The following RGS7 variants were observed in gnomAD, a reference collection of about 807,000 sequenced individuals.
RGS7 encodes the protein regulator of G-protein signaling 7.
RGS7 carries 27 observed loss-of-function variants against 81.1 expected under a neutral mutation model. The ratio of observed to expected loss-of-function variants is 0.33; its 90% CI spans 0.25 to 0.46. RGS7 has a LOEUF of 0.46. Among genes scored for constraint, RGS7 ranks in the 20% least tolerant of loss-of-function variants. RGS7 has a pLI of 1.00. For synonymous variants in RGS7, 208 were observed against 207.7 expected (o/e 1.00, Z -0.01); for missense variants, 396 against 607.4 (o/e 0.65, Z 3.66).
chr1:241,081,411 T>C (rs968370804), intron 3 of RGS7, among the ~76,000 whole-genome samples: 1 of 152,244 alleles, frequency 6.6e-6, no homozygotes, highest in African/African-American at 2.4e-5. Flanking sequence ...TGTTTATGCC[T>C]GCACTATGTT....
At chr1:241,115,246 T>G (rs975621384) in intron 2 of RGS7, among the ~76,000 whole-genome samples, 2 of 152,182 alleles carry the variant, frequency 1.3e-5, no homozygotes, top group African/African-American at 4.8e-5. Context: ...ATAAACTCTT[T>G]AAAACTAGAT....
intron 2 of RGS7, among the ~76,000 whole-genome samples, chr1:241,345,714 C>T (rs1339178953): frequency 6.6e-6 from 1 of 152,020 alleles, no homozygotes; most frequent in Non-Finnish European, 1.5e-5. Flanking sequence ...ATCAAAGAAG[C>T]AACAAATCAC....
chr1:240,992,158 A>G (rs1302394677), intron 3 of RGS7, among the ~76,000 whole-genome samples: 1 of 152,166 alleles, frequency 6.6e-6, no homozygotes, highest in Non-Finnish European at 1.5e-5. Context: ...AATTCCGGAA[A>G]TTTCCCAGTT....
At chr1:241,128,346 G>A (rs1400058729) in intron 2 of RGS7, among the ~76,000 whole-genome samples, 1 of 151,366 alleles carries the variant, frequency 6.6e-6, no homozygotes. Flanking sequence ...CACTTTGGGA[G>A]GCCAAGGCAG....
intron 2 of RGS7, among the ~76,000 whole-genome samples, chr1:241,331,193 C>T (rs924278016): frequency 6.6e-6 from 1 of 151,860 alleles, no homozygotes; most frequent in African/African-American, 2.4e-5. Flanking sequence ...TTCCACTCAC[C>T]CATTGTGCTG....
Position 241,183,895 on chromosome 1 carries a change from G to A in RGS7, c.79-85133C>T, listed in dbSNP as rs182638931. The stretch of plus-strand genomic sequence containing the variant: ...ACCTGGCATCTCTTAGGCATTCAAA[G>A]CACATTGGTGGCATTATCGTCAGGA... On this transcript the variant is annotated intron_variant, in intron 2 of 18. Transcript: ENST00000440928. Among the ~76,000 whole-genome samples the A allele has an allele frequency of 3.2e-3, 488 of 152,302 alleles. 2 individuals are homozygous for A. Among genetic ancestry groups the A allele is most frequent in the African/African-American group, 0.011 (472 of 41,566 alleles).
intron 4 of RGS7, among the ~76,000 whole-genome samples, chr1:240,965,213 G>A (rs534697090): frequency 1.3e-5 from 2 of 152,120 alleles, no homozygotes; most frequent in African/African-American, 4.8e-5. Flanking sequence ...GGCCTCTACT[G>A]TCCTCATTAA....
At chr1:241,045,777 G>A (rs2060893955) in intron 3 of RGS7, among the ~76,000 whole-genome samples, 1 of 152,138 alleles carries the variant, frequency 6.6e-6, no homozygotes, top group Admixed American at 6.5e-5. Flanking sequence ...TACCTTGCTT[G>A]AAAAATCTCA....
At chr1:241,204,025 A>T (rs2073707416) in intron 2 of RGS7, among the ~76,000 whole-genome samples, 1 of 152,242 alleles carries the variant, frequency 6.6e-6, no homozygotes, top group South Asian at 2.1e-4. Context: ...CAATCTGAAG[A>T]TATCAACTAA....
At chr1:241,281,960 AGTT>A (rs1391877138) in intron 2 of RGS7, among the ~76,000 whole-genome samples, 1 of 152,178 alleles carries the variant, frequency 6.6e-6, no homozygotes, top group African/African-American at 2.4e-5. Context: ...GTCTATTAGT[AGTT>A]AAGTTTTGTG....
chr1:240,901,500 G>A (rs1035316778), intron 6 of RGS7, among the ~76,000 whole-genome samples: 1 of 152,144 alleles, frequency 6.6e-6, no homozygotes, highest in African/African-American at 2.4e-5. Context: ...ACCACACCAC[G>A]TATTCCAAGG....
Position 241,073,543 on chromosome 1 carries a change from C to T in RGS7, c.175+25123G>A, listed in dbSNP as rs73125571. Among the ~76,000 whole-genome samples the T allele has an allele frequency of 9.7e-3, 1,483 of 152,308 alleles. 20 individuals are homozygous for T. The highest frequency in any genetic ancestry group is 0.034 in the African/African-American group (1,398 of 41,566). ...GTATTCTATACTAGGACCCTTGACA[C>T]TGGATGCCAGGGCAGATAAAACACA... On this transcript the variant is annotated intron_variant, in intron 3 of 18. Coordinates refer to ENST00000440928, the MANE Select transcript of RGS7 (RefSeq NM_001364886.1).
At chr1:240,942,542 T>C (rs1677770120) in intron 4 of RGS7, among the ~76,000 whole-genome samples, 1 of 152,242 alleles carries the variant, frequency 6.6e-6, no homozygotes, top group African/African-American at 2.4e-5. Flanking sequence ...TGTGCATGTA[T>C]TAACATTTTT....
At chr1:240,925,252 A>G (rs1177953533) in intron 6 of RGS7, among the ~76,000 whole-genome samples, 1 of 152,166 alleles carries the variant, frequency 6.6e-6, no homozygotes, top group East Asian at 1.9e-4. Context: ...CCTAGTAGGT[A>G]CTTTTTCAGC....
Position 241,259,667 on chromosome 1 carries a change from A to AAAAAAAAAAAAAAAAAAAAAAAAAAT in RGS7, c.78+96031_78+96032insATTTTTTTTTTTTTTTTTTTTTTTTT. ...CTCCGTCTCAAAAAAAAAAAAAAAA[A>AAAAAAAAAAAAAAAAAAAAAAAAAAT]ATATATATATATATATATAATTAAA... On this transcript the variant is annotated intron_variant, in intron 2 of 18. Transcript: ENST00000440928. 1.6e-4 allele frequency among the ~76,000 whole-genome samples: 8 copies of AAAAAAAAAAAAAAAAAAAAAAAAAAT among 49,138 alleles called. 1 individual carries two copies. Among genetic ancestry groups the AAAAAAAAAAAAAAAAAAAAAAAAAAT allele is most frequent in the Admixed American group, 3.8e-4 (1 of 2,606 alleles). The allele number at this position is 49,138 out of a possible 152,430, so 32.2% of individuals were successfully genotyped here. A position where few individuals can be genotyped will look rare whatever the true frequency, so the allele number is the denominator to read the frequency against.
chr1:240,989,418 G>C (rs529155108), intron 3 of RGS7, among the ~76,000 whole-genome samples: 57 of 151,822 alleles, frequency 3.8e-4, no homozygotes, highest in African/African-American at 1.4e-3. Flanking sequence ...CCTGGCGACA[G>C]AGTGAGACAC....
chr1:240,858,139 AT>A (rs1661498556), intron 9 of RGS7, among the ~76,000 whole-genome samples: 1 of 152,132 alleles, frequency 6.6e-6, no homozygotes, highest in Non-Finnish European at 1.5e-5. Flanking sequence ...TACCATAGTT[AT>A]TTTTTGAAGG....
At chr1:240,878,411 A>G (rs1204175664) in intron 6 of RGS7, among the ~76,000 whole-genome samples, 1 of 151,666 alleles carries the variant, frequency 6.6e-6, no homozygotes, top group Non-Finnish European at 1.5e-5. Context: ...TGCTCAAAAC[A>G]TAGTTGGGGA....
chr1:241,007,677 A>G (rs628208), intron 3 of RGS7, among the ~76,000 whole-genome samples: 86,405 of 152,036 alleles, frequency 0.57, 24,931 homozygotes, highest in African/African-American at 0.66. Context: ...TATGAACCAG[A>G]AGGCCTGACA....
Sources: allele counts gnomAD v4.1 joint callset (sites outside exome capture counted in the v4.1 genomes callset), GRCh38; gene constraint gnomAD v4.1.1; transcripts MANE v1.5; gene names NCBI Gene and HGNC (gene_info 2026-07-23, HGNC 2026-07-21).